Variants in MGAT4C observed in about 807,000 individuals in gnomAD.
The protein encoded by MGAT4C is MGAT4 family member C, also known as alpha-1,3-mannosyl-glycoprotein 4-beta-N-acetylglucosaminyltransferase C.
A neutral mutation model predicts 40.1 loss-of-function variants in MGAT4C; 19 were observed. The observed-to-expected ratio is 0.47, with a 90% CI of 0.33 to 0.70. The LOEUF is 0.70. Ranked by LOEUF, MGAT4C falls within the 30% of genes least tolerant of loss-of-function variation. MGAT4C has a pLI of 0.02. For missense variants in MGAT4C, 491 were observed against 563.2 expected, an observed-to-expected ratio of 0.87 and a Z score of 1.30; for synonymous variants, 181 against 187.1, an observed-to-expected ratio of 0.97 and a Z score of 0.27.
At chr12:86,283,992 A>G (rs1457910020) in intron 4 of MGAT4C, among the ~76,000 whole-genome samples, 1 of 152,144 alleles carries the variant, frequency 6.6e-6, no homozygotes, top group Non-Finnish European at 1.5e-5. Context: ...ACAGGACTTT[A>G]TATAGCTGAA....
chr12:86,571,446 A>G lies in MGAT4C; in HGVS notation c.-228-136181T>C, dbSNP rs1264707539. On this transcript the variant is annotated intron_variant, in intron 2 of 7. Coordinates refer to the MGAT4C transcript ENST00000548651. The stretch of plus-strand genomic sequence containing the variant: ...GAAAAAAATGTATATATACACATAC[A>G]CTAAAATATGCATTAAAGAAAACCT... 2.0e-5 allele frequency among the ~76,000 whole-genome samples: 3 copies of G among 152,150 alleles called. No homozygotes were observed. In the East Asian group the frequency reaches 5.8e-4, roughly 29 times the overall value.
At chr12:86,065,006 ACC>A (rs977787213) in intron 1 of MGAT4C, among the ~76,000 whole-genome samples, 2 of 152,196 alleles carry the variant, frequency 1.3e-5, no homozygotes, top group African/African-American at 4.8e-5. Flanking sequence ...CCAAGTCTAT[ACC>A]AGGAAGAAGT....
chr12:86,034,008 T>C (rs1433609929), intron 2 of MGAT4C, among the ~76,000 whole-genome samples: 2 of 149,670 alleles, frequency 1.3e-5, no homozygotes, highest in African/African-American at 2.4e-5. Context: ...TCTGATGAGG[T>C]GATCATGTGT....
At position 85,960,909 on chromosome 12, in the gene MGAT4C, C is replaced by T. The variant is rs1459351932; in HGVS notation, c.*18380G>A. The T allele has an allele frequency of 1.3e-5, 2 of 151,932 alleles. No homozygotes were observed. The highest frequency in any genetic ancestry group is 2.9e-5 in the Non-Finnish European group (2 of 67,848). The allele number at this position is 151,932 out of a possible 1,614,324, so 9.4% of individuals were successfully genotyped here. ...ATGTTTGGCACTTTATTTTATAAAA[C>T]TACCCTTTACTTAAAATAAATCATT... On this transcript the variant is annotated 3_prime_UTR_variant, in exon 5 of 5. Coordinates refer to ENST00000611864, the MANE Select transcript of MGAT4C (RefSeq NM_001351288.2).
At chr12:86,634,837 A>C (rs1238375790) in intron 2 of MGAT4C, among the ~76,000 whole-genome samples, 1 of 152,092 alleles carries the variant, frequency 6.6e-6, no homozygotes, top group South Asian at 2.1e-4. Flanking sequence ...TCTTTACCAT[A>C]TTCTCTTGAC....
At chr12:86,543,288 C>A (rs894635616) in intron 2 of MGAT4C, among the ~76,000 whole-genome samples, 4 of 151,168 alleles carry the variant, frequency 2.6e-5, no homozygotes, top group East Asian at 1.9e-4. Context: ...GTATAATAAT[C>A]ATATATTATT....
chr12:86,274,937 A>C (rs1481014211), intron 4 of MGAT4C, among the ~76,000 whole-genome samples: 2 of 152,212 alleles, frequency 1.3e-5, no homozygotes, highest in Admixed American at 1.3e-4. Flanking sequence ...GCTTCATGTC[A>C]TCAGACTGCA....
chr12:86,239,672 A>G (rs183152006), intron 1 of MGAT4C, among the ~76,000 whole-genome samples: 1 of 152,196 alleles, frequency 6.6e-6, no homozygotes, highest in African/African-American at 2.4e-5. Context: ...TAGGTAAGCT[A>G]TAACAATTAA....
chr12:86,437,477 A>G (rs1957155850), intron 2 of MGAT4C, among the ~76,000 whole-genome samples: 1 of 151,864 alleles, frequency 6.6e-6, no homozygotes, highest in Admixed American at 6.6e-5. Flanking sequence ...AGGCAAAATA[A>G]AATTATCATA....
chr12:86,619,134 T>C (rs1346289239), intron 2 of MGAT4C, among the ~76,000 whole-genome samples: 2 of 152,130 alleles, frequency 1.3e-5, no homozygotes, highest in African/African-American at 4.8e-5. Context: ...CATCATTTCA[T>C]ATAAGGAACT....
At chr12:86,175,659 T>C (rs960977914) in intron 1 of MGAT4C, among the ~76,000 whole-genome samples, 1 of 151,922 alleles carries the variant, frequency 6.6e-6, no homozygotes, top group African/African-American at 2.4e-5. Context: ...CAGGATCACC[T>C]AAATAATTTT....
intron 2 of MGAT4C, among the ~76,000 whole-genome samples, chr12:86,442,528 G>T (rs1957251876): frequency 6.6e-6 from 1 of 152,156 alleles, no homozygotes; most frequent in Non-Finnish European, 1.5e-5. Flanking sequence ...TGTATAAGGT[G>T]TAAGGAAGGG....
At chr12:86,043,918 C>T (rs1439493901) in intron 2 of MGAT4C, among the ~76,000 whole-genome samples, 5 of 152,170 alleles carry the variant, frequency 3.3e-5, no homozygotes, top group African/African-American at 9.7e-5. Context: ...GGGGAACCAG[C>T]GTGGGTCATT....
intron 1 of MGAT4C, among the ~76,000 whole-genome samples, chr12:86,780,621 G>C (rs546363015): frequency 1.3e-5 from 2 of 152,254 alleles, no homozygotes; most frequent in East Asian, 1.9e-4. Context: ...GAGCCTCTCA[G>C]CCATGCTTCG....
chr12:86,705,362 C>T (rs1240457805), intron 2 of MGAT4C, among the ~76,000 whole-genome samples: 2 of 151,888 alleles, frequency 1.3e-5, no homozygotes, highest in Non-Finnish European at 2.9e-5. Context: ...CAAGGGAAAG[C>T]ACATAATTGA....
Position 86,187,823 on chromosome 12 carries a change from C to T in MGAT4C, c.-57+68416G>A, listed in dbSNP as rs117305299. ...AAAGATTGGTTGTTTATCTAAGGTG[C>T]GCTTCACTAAAAATATTTCATACAA... On this transcript the variant is annotated intron_variant, in intron 1 of 4. Coordinates refer to ENST00000611864, the MANE Select transcript of MGAT4C (RefSeq NM_001351288.2). 6.9e-3 allele frequency among the ~76,000 whole-genome samples: 1,052 copies of T among 151,822 alleles called. 17 individuals carry two copies. The highest frequency in any genetic ancestry group is 0.035 in the East Asian group (183 of 5,164).
At chr12:86,519,474 T>G (rs1164916423) in intron 2 of MGAT4C, among the ~76,000 whole-genome samples, 1 of 152,126 alleles carries the variant, frequency 6.6e-6, no homozygotes. Context: ...TTTGAGGACC[T>G]CCATACTGTT....
intron 1 of MGAT4C, among the ~76,000 whole-genome samples, chr12:86,744,320 T>C (rs1454233259): frequency 6.6e-6 from 1 of 151,522 alleles, no homozygotes; most frequent in African/African-American, 2.4e-5. Context: ...AAAAATATGA[T>C]TGACAAAGAC....
intron 2 of MGAT4C, among the ~76,000 whole-genome samples, chr12:86,594,071 G>A (rs1961437413): frequency 2.0e-5 from 3 of 152,242 alleles, no homozygotes; most frequent in Middle Eastern, 6.8e-3. Context: ...AGTATACTCC[G>A]CAGTACTGTG....
Sources: gnomAD v4.1 joint callset for allele counts (sites outside exome capture counted in the v4.1 genomes callset) on GRCh38, gnomAD v4.1.1 for gene constraint, MANE v1.5 for transcripts, NCBI Gene and HGNC (gene_info 2026-07-23, HGNC 2026-07-21) for gene names.